Variants in LRATD1 observed in about 807,000 individuals in gnomAD.
LRATD1 encodes the protein LRAT domain containing 1, also known as protein LRATD1.
In LRATD1, 8 loss-of-function variants were observed where a neutral mutation model predicts 21.3. The ratio of observed to expected loss-of-function variants is 0.38; its 90% CI spans 0.22 to 0.68. LRATD1 has a LOEUF of 0.68. Ranked by LOEUF, LRATD1 falls within the 30% of genes least tolerant of loss-of-function variation. The pLI is 0.54. For synonymous variants in LRATD1, 210 were observed against 186.2 expected (o/e 1.13, Z -1.04); for missense variants, 380 against 404.0 (o/e 0.94, Z 0.51).
chr2:14,646,568 G>C (rs904477719), intron 4 of LRATD1: 1 of 152,166 alleles, frequency 6.6e-6, no homozygotes, highest in African/African-American at 2.4e-5. Flanking sequence ...AAGAACAAAC[G>C]TCAATGCATA....
At chr2:14,651,888 G>C (rs1035022509), downstream of LRATD1, among the ~76,000 whole-genome samples, 2 of 151,902 alleles carry the variant, frequency 1.3e-5, no homozygotes, top group Non-Finnish European at 2.9e-5. Context: ...TTGTAAGTTG[G>C]TGATAAATTT....
At position 14,636,426 on chromosome 2, in the gene LRATD1, T is replaced by G. The variant is rs1671689862; in HGVS notation, c.*1568T>G. The G allele has an allele frequency of 6.0e-6, 1 of 167,128 alleles. No individual in the cohort carries two copies. Among genetic ancestry groups the G allele is most frequent in the East Asian group, 1.9e-4 (1 of 5,206 alleles). 10.4% of individuals were successfully genotyped at this position (167,128 alleles called of 1,614,324 possible). A position where few individuals can be genotyped will look rare whatever the true frequency, so the allele number is the denominator to read the frequency against. Reference sequence around the variant, plus strand: ...TCTAGAGTTGGTGGCTTTTTCCCCCTCCTCTTTGGCCAGTTCCACAGTTCA... The same window carrying G: ...TCTAGAGTTGGTGGCTTTTTCCCCCGCCTCTTTGGCCAGTTCCACAGTTCA... On this transcript the variant is annotated 3_prime_UTR_variant, in exon 2 of 2. Transcript: ENST00000295092.
At position 14,634,484 on chromosome 2, in the gene LRATD1, G is replaced by A. The variant is rs751370026; in HGVS notation, c.505G>A (p.Ala169Thr). ...GEIRQDSLYE[A>T]GAANVGRVVN... Reference sequence around the variant, plus strand: ...GATCCGCCAGGACAGCCTGTATGAGGCGGGCGCGGCCAACGTGGGCCGGGT... The same window carrying A: ...GATCCGCCAGGACAGCCTGTATGAGACGGGCGCGGCCAACGTGGGCCGGGT... The change falls in exon 2 of 2, where the codon GCG (alanine) becomes ACG (threonine). Residue 169 changes from alanine (A) to threonine (T), a missense_variant. Transcript: ENST00000295092. 21 of 1,511,218 alleles carry A rather than the reference G, an allele frequency of 1.4e-5. No individual in the cohort carries two copies. The highest frequency in any genetic ancestry group is 1.6e-5 in the Non-Finnish European group (18 of 1,131,676). The allele number at this position is 1,511,218 out of a possible 1,614,324, so 93.6% of individuals were successfully genotyped here. A position where few individuals can be genotyped will look rare whatever the true frequency, so the allele number is the denominator to read the frequency against.
At chr2:14,649,275 T>G in intron 4 of LRATD1, 1 of 456,492 alleles carries the variant, frequency 2.2e-6, no homozygotes, top group South Asian at 1.5e-5. Context: ...CATTGGCACT[T>G]TTATTAAATA....
Position 14,634,338 on chromosome 2 carries a change from G to A in LRATD1, c.359G>A (p.Cys120Tyr), listed in dbSNP as rs1162719520. 1 of 1,586,130 alleles carries A rather than the reference G, an allele frequency of 6.3e-7. No individual in the cohort carries two copies. Among genetic ancestry groups the A allele is most frequent in the Admixed American group, 1.7e-5 (1 of 57,890 alleles). Residue 120 changes from cysteine (C) to tyrosine (Y), a missense_variant, in exon 2 of 2, where the codon TGC becomes TAC. Cys to Tyr is a radical substitution (Grantham distance 194). Transcript: ENST00000295092. ...GCGGTCACCGCGCTGCCAGCGCTCTGCGAACCCGGCGACCTGCTGGAGCTG... is the reference window on the plus strand; with the variant it reads ...GCGGTCACCGCGCTGCCAGCGCTCTACGAACCCGGCGACCTGCTGGAGCTG... ...VYAVTALPAL[C>Y]EPGDLLELLW...
At chr2:14,640,119 AACTTC>A (rs1469182849), downstream of LRATD1, 1 of 166,694 alleles carries the variant, frequency 6.0e-6, no homozygotes, top group Non-Finnish European at 1.5e-5. Flanking sequence ...TAACTTTCAC[AACTTC>A]ATCTCTCATT....
downstream of LRATD1, among the ~76,000 whole-genome samples, chr2:14,643,064 CTAATT>C (rs1488577314): frequency 2.0e-5 from 3 of 152,098 alleles, no homozygotes; most frequent in African/African-American, 7.2e-5. Flanking sequence ...AATATTATTA[CTAATT>C]TGGGATTCGA....
rs1269516772 is a variant in LRATD1, at chr2:14,634,804, C to T, written c.825C>T (p.Ser275=). Reference sequence around the variant, plus strand: ...GCGAGAAGCGCCGTATCGACGCCAGCGGCCGCCTGCGAGTGCTCCAGGAGC... The same window carrying T: ...GCGAGAAGCGCCGTATCGACGCCAGTGGCCGCCTGCGAGTGCTCCAGGAGC... ...LIREKRRIDA[S]GRLRVLQELA... The change falls in exon 2 of 2, where the codon AGC becomes AGT. Residue 275 remains serine (S), a synonymous_variant. Coordinates refer to ENST00000295092, the MANE Select transcript of LRATD1 (RefSeq NM_145175.4). The T allele has an allele frequency of 6.2e-7, 1 of 1,606,596 alleles. No individual in the cohort carries two copies. The highest frequency in any genetic ancestry group is 8.5e-7 in the Non-Finnish European group (1 of 1,175,678).
At position 14,632,733 on chromosome 2, in the gene LRATD1, G is replaced by C. The variant is rs1043360777; in HGVS notation, c.-241G>C. The C allele has an allele frequency of 2.6e-5, 4 of 152,150 alleles. No individual in the cohort carries two copies. The highest frequency in any genetic ancestry group is 5.9e-5 in the Non-Finnish European group (4 of 68,040). 9.4% of individuals were successfully genotyped at this position (152,150 alleles called of 1,614,324 possible). On this transcript the variant is annotated 5_prime_UTR_variant, in exon 1 of 2. Transcript: ENST00000295092. The stretch of plus-strand genomic sequence containing the variant: ...GGCGGTGGGAAAGCAGAGCCGAGCC[G>C]GGACTGTCCAGTGGGAGCAGGCGCC...
At chr2:14,647,303 TG>T (rs1671912536) in intron 4 of LRATD1, among the ~76,000 whole-genome samples, 1 of 152,158 alleles carries the variant, frequency 6.6e-6, no homozygotes, top group Non-Finnish European at 1.5e-5. Flanking sequence ...TTGGAGAGAA[TG>T]GGTCTTCTCT....
chr2:14,636,073 G>C lies in LRATD1; in HGVS notation c.*1215G>C, dbSNP rs1671682360. 1 of 187,896 alleles carries C rather than the reference G, an allele frequency of 5.3e-6. No individual in the cohort carries two copies. The highest frequency in any genetic ancestry group is 5.4e-5 in the Admixed American group (1 of 18,424). 11.6% of individuals were successfully genotyped at this position (187,896 alleles called of 1,614,324 possible). On this transcript the variant is annotated 3_prime_UTR_variant, in exon 2 of 2. Coordinates refer to ENST00000295092, the MANE Select transcript of LRATD1 (RefSeq NM_145175.4). ...TAATCCATGATAGTTTAAATACTGG[G>C]GGCCATTAAGAGTGGATGTAGCTAA... is the stretch of plus-strand genomic sequence containing the variant.
rs955938658 is a variant in LRATD1 at position 14,637,894 on chromosome 2, G to A, written c.*3036G>A. Reference sequence around the variant, plus strand: ...ACATTTTAATAATGTTAGGGATTTCGTTTTGGTTTTAGTTGTCCTCAAGAG... The same window carrying A: ...ACATTTTAATAATGTTAGGGATTTCATTTTGGTTTTAGTTGTCCTCAAGAG... On this transcript the variant is annotated 3_prime_UTR_variant, in exon 2 of 2. Transcript: ENST00000295092. 6.6e-5 allele frequency: 11 copies of A among 167,042 alleles called. No homozygotes were observed. The highest frequency in any genetic ancestry group is 1.7e-4 in the African/African-American group (7 of 41,522). 10.3% of individuals were successfully genotyped at this position (167,042 alleles called of 1,614,324 possible). A position where few individuals can be genotyped will look rare whatever the true frequency, so the allele number is the denominator to read the frequency against.
chr2:14,648,354 G>A (rs188440898), intron 4 of LRATD1, among the ~76,000 whole-genome samples: 3 of 152,156 alleles, frequency 2.0e-5, no homozygotes, highest in East Asian at 3.9e-4. Flanking sequence ...CATTTGCCAC[G>A]ATAGAAATAA....
At chr2:14,649,441 C>T (rs927977967) in exon 5 of LRATD1, 1 of 447,216 alleles carries the variant, frequency 2.2e-6, no homozygotes, top group Non-Finnish European at 4.5e-6. Context: ...CATATCCTCC[C>T]TCCTGTTGCC....
Position 14,635,597 on chromosome 2 carries a change from G to A in LRATD1, c.*739G>A. On this transcript the variant is annotated 3_prime_UTR_variant, in exon 2 of 2. Coordinates refer to ENST00000295092, the MANE Select transcript of LRATD1 (RefSeq NM_145175.4). ...TGCCTGCGAGTCTCCCTCGCTGGCA[G>A]AAGGGAAGCCGGCCCGGTCCCGGGA... 2.1e-6 allele frequency: 1 copy of A among 471,060 alleles called. No homozygotes were observed. The highest frequency in any genetic ancestry group is 4.4e-6 in the Non-Finnish European group (1 of 227,052). The allele number at this position is 471,060 out of a possible 1,614,324, so 29.2% of individuals were successfully genotyped here. A position where few individuals can be genotyped will look rare whatever the true frequency, so the allele number is the denominator to read the frequency against.
At position 14,639,608 on chromosome 2, in the gene LRATD1, G is replaced by T. The variant is rs534465005; in HGVS notation, c.*4750G>T. On this transcript the variant is annotated 3_prime_UTR_variant, in exon 2 of 2. Coordinates refer to ENST00000295092, the MANE Select transcript of LRATD1 (RefSeq NM_145175.4). ...AGAAGAGGTTTAAGTATTTGAATAA[G>T]TTGGGAAAAAAAGGAAAAATAGTCT... is the stretch of plus-strand genomic sequence containing the variant. 11 of 167,176 alleles carry T rather than the reference G, an allele frequency of 6.6e-5. No homozygotes were observed. The South Asian group carries it at 2.3e-3, about 35-fold the overall frequency. The allele number at this position is 167,176 out of a possible 1,614,324, so 10.4% of individuals were successfully genotyped here.
Position 14,637,731 on chromosome 2 carries a change from C to G in LRATD1, c.*2873C>G, listed in dbSNP as rs568160022. 6.0e-6 allele frequency: 1 copy of G among 167,190 alleles called. No individual in the cohort carries two copies. Among genetic ancestry groups the G allele is most frequent in the South Asian group, 2.1e-4 (1 of 4,824 alleles). The allele number at this position is 167,190 out of a possible 1,614,324, so 10.4% of individuals were successfully genotyped here. A position where few individuals can be genotyped will look rare whatever the true frequency, so the allele number is the denominator to read the frequency against. ...GAAAAAGGTGTATACTTTTAGGGCACTGTTAACAATGCGAGTGAAACCAAG... is the reference window on the plus strand; with the variant it reads ...GAAAAAGGTGTATACTTTTAGGGCAGTGTTAACAATGCGAGTGAAACCAAG... On this transcript the variant is annotated 3_prime_UTR_variant, in exon 2 of 2. Coordinates refer to ENST00000295092, the MANE Select transcript of LRATD1 (RefSeq NM_145175.4).
downstream of LRATD1, among the ~76,000 whole-genome samples, chr2:14,650,982 AATCATTG>A (rs1671994742): frequency 6.6e-6 from 1 of 152,190 alleles, no homozygotes; most frequent in African/African-American, 2.4e-5. Flanking sequence ...GGCCTGTCAC[AATCATTG>A]ATACGTGAAA....
chr2:14,634,052 G>A lies in LRATD1; in HGVS notation c.73G>A (p.Glu25Lys). 6.2e-7 allele frequency: 1 copy of A among 1,614,144 alleles called. No homozygotes were observed. The highest frequency in any genetic ancestry group is 8.5e-7 in the Non-Finnish European group (1 of 1,180,034). Reference protein sequence around the residue: ...ELPTGDPSGIEKDELRVGVAY... With the variant: ...ELPTGDPSGIKKDELRVGVAY... ...GCCCACAGGGGACCCGTCGGGGATTGAAAAGGACGAACTGCGGGTCGGGGT... is the reference window on the plus strand; with the variant it reads ...GCCCACAGGGGACCCGTCGGGGATTAAAAAGGACGAACTGCGGGTCGGGGT... The change falls in exon 2 of 2, where the codon GAA becomes AAA. Residue 25 changes from glutamate (E) to lysine (K), a missense_variant. By Grantham distance (56) the Glu-to-Lys change is moderately conservative (BLOSUM62 1). Coordinates refer to ENST00000295092, the MANE Select transcript of LRATD1 (RefSeq NM_145175.4).
Sources: allele counts gnomAD v4.1 joint callset (sites outside exome capture counted in the v4.1 genomes callset), GRCh38; gene constraint gnomAD v4.1.1; transcripts MANE v1.5; gene names NCBI Gene and HGNC (gene_info 2026-07-23, HGNC 2026-07-21).